The following L1CAM variants were observed in gnomAD, a reference collection of about 807,000 sequenced individuals.
The protein encoded by L1CAM is L1 cell adhesion molecule.
L1CAM carries 8 observed loss-of-function variants against 93.0 expected under a neutral mutation model. The observed-to-expected ratio is 0.09, with a 90% CI of 0.05 to 0.16. The LOEUF is 0.16. L1CAM is among the 10% of genes least tolerant of loss of function. The pLI, the probability that L1CAM is intolerant of heterozygous loss-of-function variation, is 1.00. For missense variants in L1CAM, 777 were observed against 1,073.4 expected, an observed-to-expected ratio of 0.72 and a Z score of 3.86; for synonymous variants, 453 against 453.0, an observed-to-expected ratio of 1.00 and a Z score of 0.00.
rs916250902 is a variant in L1CAM at position 153,872,996 on chromosome X, G to C, written c.91+232C>G. 3 of 456,636 alleles carry C rather than the reference G, an allele frequency of 6.6e-6. No homozygotes were observed. The African/African-American group carries it at 7.3e-5, about 11-fold the overall frequency. The allele number at this position is 456,636 out of a possible 1,213,427, so 37.6% of individuals were successfully genotyped here. On this transcript the variant is annotated intron_variant, in intron 3 of 28. Coordinates refer to ENST00000370060, the MANE Select transcript of L1CAM (RefSeq NM_001278116.2). ...CAAGAAGGACAAACCCCAGACAGGG[G>C]AGAAGGGACCAGAGAGAATGGCAGA...
At chrX:153,872,874 G>C (rs1452421898) in intron 3 of L1CAM, 177 bp from the exon 4 acceptor site, 1 of 481,235 alleles carries the variant, frequency 2.1e-6, no homozygotes, top group East Asian at 3.6e-5. Context: ...AAGAGGGAGA[G>C]AGGGGACAGC....
intron 1 of L1CAM, among the ~76,000 whole-genome samples, chrX:153,882,127 AGGCCCCACG>A (rs1423872213): frequency 5.4e-5 from 6 of 111,466 alleles, no homozygotes; most frequent in Non-Finnish European, 1.9e-5. Context: ...AGACACTGCC[AGGCCCCACG>A]GGCCCCCTCC....
rs1175965669 is a variant in L1CAM, at chrX:153,885,633, G to T, written c.-109+432C>A. On this transcript the variant is annotated intron_variant, in intron 1 of 28. Coordinates refer to ENST00000370060, the MANE Select transcript of L1CAM (RefSeq NM_001278116.2). ...TCAACCAAACTGAGCTCTCGGCTGGGGATGAGGGGCAGCCACGCCCAGGGC... is the reference window on the plus strand; with the variant it reads ...TCAACCAAACTGAGCTCTCGGCTGGTGATGAGGGGCAGCCACGCCCAGGGC... Among the ~76,000 whole-genome samples the T allele has an allele frequency of 5.4e-5, 6 of 111,648 alleles. 1 individual carries two copies. The highest frequency in any genetic ancestry group is 1.1e-4 in the Non-Finnish European group (6 of 52,900).
chrX:153,878,703 T>C (rs1557095130), intron 1 of L1CAM, among the ~76,000 whole-genome samples: 1 of 111,859 alleles, frequency 8.9e-6, no homozygotes, highest in Admixed American at 9.4e-5. Flanking sequence ...AGGACCCTCC[T>C]GCATGTCAGA....
intron 11 of L1CAM, chrX:153,869,282 A>T: frequency 2.1e-6 from 1 of 470,317 alleles, no homozygotes; most frequent in Non-Finnish European, 3.7e-6. Context: ...CCTTGGTCAC[A>T]TCCTGTGGCA....
chrX:153,884,927 C>A (rs2148507539), intron 1 of L1CAM, among the ~76,000 whole-genome samples: 1 of 113,077 alleles, frequency 8.8e-6, no homozygotes, highest in Non-Finnish European at 1.9e-5. Context: ...GATGCCCCTG[C>A]CCTCAGGGTG....
chrX:153,871,876 C>T (rs1311870312), intron 5 of L1CAM, among the ~76,000 whole-genome samples: 3 of 105,403 alleles, frequency 2.8e-5, no homozygotes, highest in Non-Finnish European at 4.0e-5. Context: ...CCCCTCCCCC[C>T]GCCACCTTCC....
chrX:153,863,276 A>G, intron 28 of L1CAM, 92 bp downstream of exon 28: 1 of 1,003,960 alleles, frequency 1.0e-6, no homozygotes. Flanking sequence ...GTCCTGTCAG[A>G]GCCCCGGCAG....
Position 153,881,945 on chromosome X carries a change from G to A in L1CAM, c.-109+4120C>T, listed in dbSNP as rs782180506. Among the ~76,000 whole-genome samples, 14 of 112,239 alleles carry A rather than the reference G, an allele frequency of 1.2e-4. No homozygotes were observed. In the South Asian group the frequency reaches 5.2e-3, roughly 42 times the overall value. On this transcript the variant is annotated intron_variant, in intron 1 of 28. Coordinates refer to ENST00000370060, the MANE Select transcript of L1CAM (RefSeq NM_001278116.2). ...CCCTAGCACTAGAGGGGGCTTCAGC[G>A]GCCAGGCCAGAAGGAACAGACTGCA...
chrX:153,863,423 A>T (rs782454221), intron 27 of L1CAM, 44 bp from the exon 28 acceptor site: 1 of 1,210,004 alleles, frequency 8.3e-7, no homozygotes, highest in Non-Finnish European at 1.1e-6. Flanking sequence ...AGGGGGTGAG[A>T]TGTGAAGGCC....
chrX:153,867,149 C>A, intron 17 of L1CAM, 25 bp from the exon 18 acceptor site: 1 of 1,169,345 alleles, frequency 8.6e-7, no homozygotes, highest in Non-Finnish European at 1.2e-6. Context: ...ATTAACACAT[C>A]AATGCTGCAG....
intron 28 of L1CAM, 40 bp from the exon 29 acceptor site, chrX:153,862,934 G>C (rs782119181): frequency 1.9e-6 from 2 of 1,080,196 alleles, no homozygotes; most frequent in South Asian, 1.9e-5. Context: ...GAGCACTGCC[G>C]AGCCCCTGCA....
intron 28 of L1CAM, 127 bp from the exon 29 acceptor site, chrX:153,863,021 GC>G: frequency 1.9e-6 from 1 of 530,895 alleles, no homozygotes; most frequent in Non-Finnish European, 3.1e-6. Flanking sequence ...AGCAGCTCTG[GC>G]CACCCTGGCA....
At chrX:153,878,532 C>A (rs782435645) in intron 1 of L1CAM, among the ~76,000 whole-genome samples, 5 of 112,784 alleles carry the variant, frequency 4.4e-5, no homozygotes, top group Non-Finnish European at 9.4e-5. Flanking sequence ...GCCAGTGGAT[C>A]AGGGGAGGCC....
intron 8 of L1CAM, 44 bp from the exon 9 acceptor site, chrX:153,870,284 A>T (rs782124148): frequency 8.4e-7 from 1 of 1,189,819 alleles, no homozygotes; most frequent in South Asian, 1.8e-5. Context: ...GAGAAAGGAC[A>T]AGGCCAATCA....
intron 27 of L1CAM, 41 bp from the exon 28 acceptor site, chrX:153,863,420 G>A (rs2064681365): frequency 8.3e-7 from 1 of 1,210,447 alleles, no homozygotes; most frequent in Non-Finnish European, 1.1e-6. Flanking sequence ...GAGAGGGGGT[G>A]AGATGTGAAG....
rs1227541184 is a variant in L1CAM at position 153,875,920 on chromosome X, G to C, written c.-84C>G. ...GGGGAAGGGGGCTGGTGGGCGGCTT[G>C]GGGCGGGAGTTGGGAGTGGGGGCAC... On this transcript the variant is annotated 5_prime_UTR_variant, in exon 2 of 29. Transcript: ENST00000370060. 2 of 890,172 alleles carry C rather than the reference G, an allele frequency of 2.2e-6. No homozygotes were observed. The highest frequency in any genetic ancestry group is 3.2e-6 in the Non-Finnish European group (2 of 621,978). 73.4% of individuals were successfully genotyped at this position (890,172 alleles called of 1,213,427 possible).
At chrX:153,876,974 G>A (rs190489696) in intron 1 of L1CAM, among the ~76,000 whole-genome samples, 2,623 of 110,268 alleles carry the variant, frequency 0.024, 75 homozygotes, top group African/African-American at 0.079. Context: ...CCCCCAGCCT[G>A]GGTGATGGAG....
intron 1 of L1CAM, among the ~76,000 whole-genome samples, chrX:153,883,356 G>A (rs868975508): frequency 6.5e-4 from 71 of 109,812 alleles, no homozygotes; most frequent in African/African-American, 2.2e-3. Flanking sequence ...GGCAGCAGCA[G>A]GCTTCTGCCT....
Sources: allele counts gnomAD v4.1 joint callset (sites outside exome capture counted in the v4.1 genomes callset), GRCh38; gene constraint gnomAD v4.1.1; transcripts MANE v1.5; gene names NCBI Gene and HGNC (gene_info 2026-07-23, HGNC 2026-07-21).